EYS: variants seen among roughly 807,000 people sequenced by gnomAD.
EYS encodes EGF-like photoreceptor maintenance factor.
EYS carries 250 observed loss-of-function variants against 282.1 expected under a neutral mutation model. The observed-to-expected ratio is 0.89, with a 90% CI of 0.80 to 0.98. The LOEUF is 0.98. EYS is among the 50% of genes least tolerant of loss of function. EYS has a pLI of 0.00. For missense variants in EYS, 4,016 were observed against 3,709.0 expected, an observed-to-expected ratio of 1.08 and a Z score of -2.15; for synonymous variants, 1,355 against 1,282.9, an observed-to-expected ratio of 1.06 and a Z score of -1.20.
At chr6:65,677,369 A>G (rs796655159) in intron 1 of EYS, among the ~76,000 whole-genome samples, 38 of 152,006 alleles carry the variant, frequency 2.5e-4, no homozygotes, top group Middle Eastern at 3.4e-3. Context: ...AATTCGGAAA[A>G]TTTCCGGGAT....
intron 21 of EYS, among the ~76,000 whole-genome samples, chr6:64,821,375 G>A (rs1764892310): frequency 6.6e-6 from 1 of 151,932 alleles, no homozygotes; most frequent in Admixed American, 6.6e-5. Context: ...ATACTTCTAG[G>A]ATTTAGTTTG....
At chr6:65,639,450 T>C (rs1286940236) in intron 2 of EYS, among the ~76,000 whole-genome samples, 2 of 151,822 alleles carry the variant, frequency 1.3e-5, no homozygotes, top group East Asian at 3.9e-4. Flanking sequence ...ATGCATTTAA[T>C]AATGGATTAT....
chr6:65,329,460 G>A (rs1769716760), intron 11 of EYS: 1 of 956,674 alleles, frequency 1.0e-6, no homozygotes, highest in South Asian at 4.8e-5. Context: ...ATATATCAGT[G>A]TATGTAAGTG....
chr6:65,700,063 G>A (rs9354279), intron 1 of EYS, among the ~76,000 whole-genome samples: 42,213 of 142,604 alleles, frequency 0.3, 6,957 homozygotes, highest in African/African-American at 0.46. Flanking sequence ...TGCAGTGAGC[G>A]GAGATCGTGC....
intron 29 of EYS, among the ~76,000 whole-genome samples, chr6:64,327,065 G>C (rs1338686766): frequency 2.0e-5 from 3 of 152,126 alleles, no homozygotes; most frequent in Non-Finnish European, 4.4e-5. Context: ...GTGTGTGAAA[G>C]TGTGTGGAAG....
At chr6:65,060,507 C>T (rs369163114) in intron 12 of EYS, among the ~76,000 whole-genome samples, 49 of 151,900 alleles carry the variant, frequency 3.2e-4, no homozygotes, top group African/African-American at 1.1e-3. Context: ...ATGGTCTGTA[C>T]CTAGCCTTCC....
chr6:63,816,925 A>G (rs1325224796), intron 36 of EYS, among the ~76,000 whole-genome samples: 1 of 152,194 alleles, frequency 6.6e-6, no homozygotes, highest in Non-Finnish European at 1.5e-5. Flanking sequence ...ATAATCAAAA[A>G]AAGTGTCACC....
chr6:64,276,502 C>T (rs1199184045), intron 30 of EYS, among the ~76,000 whole-genome samples: 1 of 152,104 alleles, frequency 6.6e-6, no homozygotes, highest in African/African-American at 2.4e-5. Context: ...AGGGATACTG[C>T]TACTCTGAAC....
chr6:64,250,430 C>A (rs527576592), intron 30 of EYS, among the ~76,000 whole-genome samples: 1 of 152,094 alleles, frequency 6.6e-6, no homozygotes, highest in African/African-American at 2.4e-5. Context: ...AAAGAGAAAA[C>A]CTTACAGCTA....
rs567126648 is a variant in EYS, at chr6:64,402,669, A to G, written c.5928-13829T>C. Among the ~76,000 whole-genome samples the G allele has an allele frequency of 2.8e-4, 42 of 152,346 alleles. No individual in the cohort carries two copies. The South Asian group carries it at 8.5e-3, about 31-fold the overall frequency. ...GTCAGATTTCCTAACATTGACAGGCAATTGAACAAAGATTAGCTAAAAATT... is the reference window on the plus strand; with the variant it reads ...GTCAGATTTCCTAACATTGACAGGCGATTGAACAAAGATTAGCTAAAAATT... On this transcript the variant is annotated intron_variant, in intron 28 of 42. Coordinates refer to ENST00000503581, the MANE Select transcript of EYS (RefSeq NM_001142800.2).
At chr6:64,695,771 G>T in intron 22 of EYS, among the ~76,000 whole-genome samples, 1 of 151,908 alleles carries the variant, frequency 6.6e-6, no homozygotes, top group Non-Finnish European at 1.5e-5. Flanking sequence ...TTTTAGTAGA[G>T]ATGGGGTTTC....
intron 35 of EYS, among the ~76,000 whole-genome samples, chr6:63,960,670 G>A (rs1468841119): frequency 6.6e-6 from 1 of 152,152 alleles, no homozygotes; most frequent in East Asian, 1.9e-4. Context: ...TTAGTCAGCA[G>A]TGATCAATAT....
At chr6:64,383,169 T>C (rs1772804381) in intron 29 of EYS, among the ~76,000 whole-genome samples, 1 of 152,034 alleles carries the variant, frequency 6.6e-6, no homozygotes, top group African/African-American at 2.4e-5. Context: ...GGTATGGTGG[T>C]ACATGCCTGT....
intron 33 of EYS, among the ~76,000 whole-genome samples, chr6:64,012,085 AGTTAAAT>A (rs1429726300): frequency 1.5e-4 from 21 of 137,392 alleles, no homozygotes; most frequent in African/African-American, 5.6e-4. Flanking sequence ...TCATTTTCTT[AGTTAAAT>A]GTTAAAAATG....
chr6:63,910,750 A>C (rs1418305575), intron 35 of EYS, among the ~76,000 whole-genome samples: 1 of 152,210 alleles, frequency 6.6e-6, no homozygotes, highest in Admixed American at 6.5e-5. Flanking sequence ...ATCTATTTCA[A>C]GTGTACCTTT....
intron 31 of EYS, among the ~76,000 whole-genome samples, chr6:64,180,698 C>T (rs1056304443): frequency 1.3e-5 from 2 of 152,068 alleles, no homozygotes; most frequent in Non-Finnish European, 2.9e-5. Context: ...AATAAGTGAA[C>T]TCTACAAGTA....
intron 12 of EYS, among the ~76,000 whole-genome samples, chr6:65,096,796 T>A (rs1441809879): frequency 6.6e-6 from 1 of 150,986 alleles, no homozygotes; most frequent in Non-Finnish European, 1.5e-5. Context: ...GATATTTACA[T>A]GCAAAATAAT....
intron 35 of EYS, among the ~76,000 whole-genome samples, chr6:63,950,429 C>T (rs1303643120): frequency 6.6e-6 from 1 of 151,886 alleles, no homozygotes; most frequent in Non-Finnish European, 1.5e-5. Flanking sequence ...CCCCCTTTGA[C>T]TATAATTTTC....
At chr6:65,035,496 C>T (rs1298860969) in intron 13 of EYS, among the ~76,000 whole-genome samples, 2 of 151,958 alleles carry the variant, frequency 1.3e-5, no homozygotes, top group Non-Finnish European at 2.9e-5. Flanking sequence ...TTTCAGGATA[C>T]AAAATCAATG....
Sources: gnomAD v4.1 joint callset for allele counts (sites outside exome capture counted in the v4.1 genomes callset) on GRCh38, gnomAD v4.1.1 for gene constraint, MANE v1.5 for transcripts, NCBI Gene and HGNC (gene_info 2026-07-23, HGNC 2026-07-21) for gene names.